The following MTOR variants were observed in gnomAD, a reference collection of about 807,000 sequenced individuals.
MTOR encodes the protein mechanistic target of rapamycin kinase.
In MTOR, 70 loss-of-function variants were observed where a neutral mutation model predicts 319.8. The ratio of observed to expected loss-of-function variants is 0.22; its 90% confidence interval spans 0.18 to 0.27. The LOEUF (loss-of-function observed/expected upper bound fraction) is 0.27. Among genes scored for constraint, MTOR ranks in the 10% least tolerant of loss-of-function variants. The probability of loss-of-function intolerance (pLI) is 1.00; values close to 1 mark genes in which losing one functional copy is unlikely to be tolerated. For synonymous variants in MTOR, 1,183 were observed against 1,211.4 expected, an observed-to-expected ratio of 0.98 and a Z score of 0.49; for missense variants, 1,890 against 3,274.4, an observed-to-expected ratio of 0.58 and a Z score of 10.32.
At chr1:11,191,137 A>C (rs1274362500) in intron 28 of MTOR, among the ~76,000 whole-genome samples, 1 of 152,180 alleles carries the variant, frequency 6.6e-6, no homozygotes, top group African/African-American at 2.4e-5. Context: ...TCCAAACAGG[A>C]GGCTTTCTCA....
intron 29 of MTOR, among the ~76,000 whole-genome samples, chr1:11,163,221 A>G (rs1485096835): frequency 6.6e-6 from 1 of 152,248 alleles, no homozygotes; most frequent in Non-Finnish European, 1.5e-5. Flanking sequence ...GGATCAATTC[A>G]ACAAGAAGAG....
intron 20 of MTOR, among the ~76,000 whole-genome samples, chr1:11,215,163 T>C (rs979710512): frequency 6.6e-6 from 1 of 152,154 alleles, no homozygotes; most frequent in Non-Finnish European, 1.5e-5. Flanking sequence ...ATTGTATCCT[T>C]GTTTAGCCTT....
Position 11,139,981 on chromosome 1 carries a change from C to T in MTOR, c.4873-323G>A, listed in dbSNP as rs533949178. 5.4e-4 allele frequency among the ~76,000 whole-genome samples: 82 copies of T among 151,996 alleles called. 1 individual carries two copies. The highest frequency in any genetic ancestry group is 1.9e-3 in the African/African-American group (78 of 41,396). ...CTGGGATTACAGGCGTGAGCCAGCA[C>T]GCCCGGCCTTTTCTTGTATTTTTAA... On this transcript the variant is annotated intron_variant, in intron 34 of 57. Transcript: ENST00000361445.
In MTOR at chr1:11,130,724, A is replaced by G. The variant is rs2100432683; in HGVS notation, c.5418T>C (p.His1806=). 1 of 1,595,352 alleles carries G rather than the reference A, an allele frequency of 6.3e-7. No homozygotes were observed. The highest frequency in any genetic ancestry group is 8.5e-7 in the Non-Finnish European group (1 of 1,170,908). Residue 1806 remains histidine, a synonymous_variant, in exon 39 of 58, where the codon CAT becomes CAC. Transcript: ENST00000361445. ...TCTTCTCATCGCGGGCTTGGTTCTG[A>G]TGTTTGTAGTGTAGCACAGCTTCGA... ...MNFEAVLHYK[H]QNQARDEKKK...
At chr1:11,112,574 A>G (rs1434563004) in intron 54 of MTOR, among the ~76,000 whole-genome samples, 1 of 152,202 alleles carries the variant, frequency 6.6e-6, no homozygotes, top group Non-Finnish European at 1.5e-5. Flanking sequence ...TACTTCCTTC[A>G]TGTTCAGTAG....
chr1:11,254,771 T>G (rs1237201242), intron 5 of MTOR, among the ~76,000 whole-genome samples: 1 of 151,304 alleles, frequency 6.6e-6, no homozygotes, highest in Non-Finnish European at 1.5e-5. Context: ...GAGATGTCTT[T>G]TTTTTTTTTT....
Position 11,240,389 on chromosome 1 carries a change from G to A in MTOR, c.1700C>T (p.Ser567Phe), listed in dbSNP as rs2100909625. ...MPKGLAHQLA[S>F]PGLTTLPEAS... The stretch of plus-strand genomic sequence containing the variant: ...CTCAGGGAGGGTCGTGAGGCCAGGA[G>A]AGGCCAGCTGATGGGCCAGGCCCTT... The change falls in exon 11 of 58, where the codon TCT (serine) becomes TTT (phenylalanine). Residue 567 changes from serine (S) to phenylalanine (F), a missense_variant. Coordinates refer to ENST00000361445, the MANE Select transcript of MTOR (RefSeq NM_004958.4). 6.2e-7 allele frequency: 1 copy of A among 1,614,262 alleles called. No homozygotes were observed. The highest frequency in any genetic ancestry group is 8.5e-7 in the Non-Finnish European group (1 of 1,180,048).
At chr1:11,108,941 T>C (rs1336163847) in intron 56 of MTOR, among the ~76,000 whole-genome samples, 1 of 152,026 alleles carries the variant, frequency 6.6e-6, no homozygotes, top group African/African-American at 2.4e-5. Context: ...TGAGCCAAGA[T>C]GGAGCCACTG....
intron 36 of MTOR, 106 bp from the exon 37 acceptor site, chr1:11,134,572 G>C (rs1643315928): frequency 1.2e-6 from 1 of 847,590 alleles, no homozygotes; most frequent in Non-Finnish European, 2.0e-6. Context: ...TCTCCAAACA[G>C]AATACCCTAG....
intron 28 of MTOR, among the ~76,000 whole-genome samples, chr1:11,184,931 ATTC>A (rs1321595802): frequency 1.3e-5 from 2 of 152,054 alleles, no homozygotes; most frequent in Non-Finnish European, 2.9e-5. Flanking sequence ...TTCTGCTGCC[ATTC>A]TTCTTCCCTT....
At chr1:11,188,409 A>G (rs890196476) in intron 28 of MTOR, among the ~76,000 whole-genome samples, 8 of 152,238 alleles carry the variant, frequency 5.3e-5, no homozygotes, top group African/African-American at 1.9e-4. Context: ...TTCAAATTGC[A>G]AACCATACCA....
intron 28 of MTOR, chr1:11,194,966 T>C (rs1645726797): frequency 1.9e-6 from 3 of 1,613,994 alleles, no homozygotes; most frequent in Non-Finnish European, 1.7e-6. Context: ...GGCATGGATC[T>C]ACCTACTCCC....
chr1:11,207,521 G>A (rs537959368), intron 25 of MTOR, among the ~76,000 whole-genome samples: 29 of 141,898 alleles, frequency 2.0e-4, no homozygotes, highest in Admixed American at 8.9e-4. Flanking sequence ...TGAACCTCCT[G>A]CCTCAGTCTC....
chr1:11,149,977 T>C (rs1461529018), intron 31 of MTOR, 149 bp downstream of exon 31: 2 of 571,018 alleles, frequency 3.5e-6, no homozygotes, highest in South Asian at 2.5e-5. Context: ...AAAGGACAGA[T>C]GGAAGGTGTA....
chr1:11,153,071 A>T lies in MTOR; in HGVS notation c.4470-2845T>A, dbSNP rs77931776. ...TCTGTGAGCCTCAGTTTCTTCAACT[A>T]TAACACAAAGGAATTGGAGGAAACC... On this transcript the variant is annotated intron_variant, in intron 30 of 57. Coordinates refer to ENST00000361445, the MANE Select transcript of MTOR (RefSeq NM_004958.4). Among the ~76,000 whole-genome samples the T allele has an allele frequency of 1.7e-3, 258 of 152,300 alleles. 7 individuals carry two copies. In the East Asian group the frequency reaches 0.036, roughly 22 times the overall value.
chr1:11,141,945 A>C (rs1643729839), intron 34 of MTOR, among the ~76,000 whole-genome samples: 2 of 151,538 alleles, frequency 1.3e-5, no homozygotes, highest in South Asian at 4.1e-4. Context: ...AGCTTGCAGT[A>C]AGCCGAGATC....
intron 46 of MTOR, among the ~76,000 whole-genome samples, chr1:11,125,546 CG>C (rs1014437432): frequency 1.3e-4 from 20 of 151,642 alleles, no homozygotes; most frequent in Non-Finnish European, 1.2e-4. Flanking sequence ...GCCTGGCCAA[CG>C]TGGTGAAATC....
chr1:11,240,451 G>A lies in MTOR; in HGVS notation c.1638C>T (p.Val546=). The A allele has an allele frequency of 6.2e-7, 1 of 1,614,240 alleles. No individual in the cohort carries two copies. Among genetic ancestry groups the A allele is most frequent in the Non-Finnish European group, 8.5e-7 (1 of 1,180,052 alleles). Residue 546 remains valine, a synonymous_variant, in exon 11 of 58, where the codon GTC becomes GTT. Transcript: ENST00000361445. ...GGTGGCGAAGGGGTTTGTGCATAAGGACCAGGGACAGCATTTTCAGTAGCC... is the reference window on the plus strand; with the variant it reads ...GGTGGCGAAGGGGTTTGTGCATAAGAACCAGGGACAGCATTTTCAGTAGCC... ...QDGLLKMLSL[V]LMHKPLRHPG... is the part of the protein sequence containing the mutation.
rs1293199169 is a variant in MTOR, at chr1:11,210,857, A to T, written c.3611T>A (p.Ile1204Asn). 1 of 1,613,990 alleles carries T rather than the reference A, an allele frequency of 6.2e-7. No homozygotes were observed. The highest frequency in any genetic ancestry group is 8.5e-7 in the Non-Finnish European group (1 of 1,179,974). ...GAGCACATCATAGCGCTGATGATTG[A>T]TTCGGTGTCGCACCAGAACTTTATT... is the stretch of plus-strand genomic sequence containing the variant. Reference protein sequence around the residue: ...MVNKVLVRHRINHQRYDVLIC... With the variant: ...MVNKVLVRHRNNHQRYDVLIC... Residue 1204 changes from isoleucine (I) to asparagine (N), a missense_variant, in exon 24 of 58, where the codon ATC becomes AAC. Coordinates refer to ENST00000361445, the MANE Select transcript of MTOR (RefSeq NM_004958.4).
Sources: allele counts gnomAD v4.1 joint callset (sites outside exome capture counted in the v4.1 genomes callset), GRCh38; gene constraint gnomAD v4.1.1; transcripts MANE v1.5; gene names NCBI Gene and HGNC (gene_info 2026-07-23, HGNC 2026-07-21).